Variants in SPEF2 observed in about 807,000 individuals in gnomAD.
SPEF2 encodes the protein sperm flagella and cilia-associated protein 2.
SPEF2 carries 187 observed loss-of-function variants against 224.6 expected under a neutral mutation model. The ratio of observed to expected loss-of-function variants is 0.83; its 90% CI spans 0.74 to 0.94. SPEF2 has a LOEUF of 0.94. Among genes scored for constraint, SPEF2 ranks in the 40% least tolerant of loss-of-function variants. SPEF2 has a pLI of 0.00. For missense variants in SPEF2, 2,170 were observed against 2,135.6 expected, an observed-to-expected ratio of 1.02 and a Z score of -0.32; for synonymous variants, 715 against 707.3, an observed-to-expected ratio of 1.01 and a Z score of -0.17.
chr5:35,678,245 A>C (rs868333830), intron 10 of SPEF2, among the ~76,000 whole-genome samples: 8 of 152,232 alleles, frequency 5.3e-5, no homozygotes, highest in African/African-American at 1.9e-4. Flanking sequence ...ACATTATTGA[A>C]TCAGGTCAAA....
intron 11 of SPEF2, 38 bp downstream of exon 11, chr5:35,691,294 C>A: frequency 6.7e-7 from 1 of 1,493,778 alleles, no homozygotes; most frequent in South Asian, 1.1e-5. Flanking sequence ...CCATTAGGTC[C>A]TATTTACACT....
chr5:35,705,837 T>G, intron 18 of SPEF2, 29 bp downstream of exon 18: 1 of 1,363,278 alleles, frequency 7.3e-7, no homozygotes, highest in African/African-American at 1.5e-5. Flanking sequence ...AGTTTTGAGT[T>G]TAGGCAACTA....
intron 8 of SPEF2, among the ~76,000 whole-genome samples, chr5:35,665,657 T>C (rs969204865): frequency 6.6e-6 from 1 of 152,188 alleles, no homozygotes; most frequent in Non-Finnish European, 1.5e-5. Flanking sequence ...TGTCACTCTT[T>C]CCATGAATTC....
chr5:35,811,544 C>T (rs909362748), intron 36 of SPEF2, among the ~76,000 whole-genome samples: 5 of 151,520 alleles, frequency 3.3e-5, no homozygotes, highest in Admixed American at 1.3e-4. Context: ...GTGTGGCCTT[C>T]GGCAAGTGAC....
chr5:35,698,811 C>G (rs1317552632), intron 15 of SPEF2: 1 of 152,206 alleles, frequency 6.6e-6, no homozygotes, highest in African/African-American at 2.4e-5. Flanking sequence ...CTCCTGACTC[C>G]CCATCATCTC....
At chr5:35,637,167 G>A (rs1025317836) in intron 2 of SPEF2, among the ~76,000 whole-genome samples, 9 of 151,974 alleles carry the variant, frequency 5.9e-5, no homozygotes, top group African/African-American at 2.2e-4. Context: ...TATGGACATG[G>A]AGCAAACTAA....
At chr5:35,769,457 T>C (rs916864698) in intron 26 of SPEF2, among the ~76,000 whole-genome samples, 8 of 152,156 alleles carry the variant, frequency 5.3e-5, no homozygotes, top group Admixed American at 4.6e-4. Flanking sequence ...CTGCTTGCTC[T>C]CTGAAACCTT....
intron 31 of SPEF2, 69 bp downstream of exon 31, chr5:35,792,515 T>A: frequency 7.8e-7 from 1 of 1,276,598 alleles, no homozygotes; most frequent in Non-Finnish European, 1.1e-6. Flanking sequence ...TCAATAGTTC[T>A]AAAATAATGA....
At chr5:35,809,540 G>C (rs897638679) in intron 36 of SPEF2, among the ~76,000 whole-genome samples, 1 of 152,102 alleles carries the variant, frequency 6.6e-6, no homozygotes, top group Admixed American at 6.5e-5. Flanking sequence ...AGAGTCCTGG[G>C]TGAAGGCAAG....
intron 26 of SPEF2, among the ~76,000 whole-genome samples, chr5:35,770,247 C>A (rs1752643111): frequency 6.6e-6 from 1 of 151,928 alleles, no homozygotes; most frequent in Non-Finnish European, 1.5e-5. Context: ...ATAATAATTG[C>A]ATATATTTAT....
chr5:35,763,486 A>G (rs1580638643), intron 25 of SPEF2, 36 bp from the exon 26 acceptor site: 1 of 1,506,616 alleles, frequency 6.6e-7, no homozygotes, highest in East Asian at 2.3e-5. Flanking sequence ...TGTTAAGCAA[A>G]ATTTTTTATC....
chr5:35,795,131 T>C (rs539758675), intron 32 of SPEF2, among the ~76,000 whole-genome samples: 1 of 151,286 alleles, frequency 6.6e-6, no homozygotes, highest in Admixed American at 6.6e-5. Flanking sequence ...GGAAATGAAG[T>C]TCTAATTGGT....
intron 21 of SPEF2, among the ~76,000 whole-genome samples, chr5:35,736,468 AGTGTGTGTGTGTGT>A (rs139387194): frequency 2.0e-5 from 3 of 149,246 alleles, no homozygotes; most frequent in Non-Finnish European, 3.0e-5. Context: ...CAAGTGACAG[AGTGTGTGTGTGTGT>A]GTGTGTGTGT....
intron 10 of SPEF2, among the ~76,000 whole-genome samples, chr5:35,674,315 T>G (rs1751572320): frequency 6.7e-6 from 1 of 149,292 alleles, no homozygotes; most frequent in Non-Finnish European, 1.5e-5. Context: ...AGAAACAGAG[T>G]GAGCTCTTCT....
chr5:35,709,949 C>T (rs1372897521), intron 19 of SPEF2: 1 of 984,766 alleles, frequency 1.0e-6, no homozygotes, highest in Non-Finnish European at 1.2e-6. Context: ...CATTTCTAAA[C>T]TCTATAGTCT....
At chr5:35,699,110 G>A (rs1336791953) in intron 15 of SPEF2, 1 of 152,120 alleles carries the variant, frequency 6.6e-6, no homozygotes, top group Non-Finnish European at 1.5e-5. Flanking sequence ...GTGATTTTTA[G>A]TTTCGTGACT....
chr5:35,793,184 C>G lies in SPEF2; in HGVS notation c.4580C>G (p.Thr1527Arg), dbSNP rs1199083931. 6.2e-7 allele frequency: 1 copy of G among 1,614,036 alleles called. No individual in the cohort carries two copies. Among genetic ancestry groups the G allele is most frequent in the South Asian group, 1.1e-5 (1 of 91,060 alleles). Residue 1527 changes from threonine (T) to arginine (R), a missense_variant, in exon 32 of 37, where the codon ACA becomes AGA. Transcript: ENST00000356031. ...PELQELTSLL[T>R]VNSEFVDWRK... ...TTACAGGAATTAACATCTTTATTAA[C>G]AGTCAACTCCGAGTTCGTGGACTGG... is the stretch of plus-strand genomic sequence containing the variant.
intron 23 of SPEF2, among the ~76,000 whole-genome samples, chr5:35,744,644 A>C (rs904781556): frequency 1.3e-5 from 2 of 152,076 alleles, no homozygotes; most frequent in Non-Finnish European, 2.9e-5. Context: ...CCTTTCTTTA[A>C]AAAATATATA....
At chr5:35,658,437 G>A (rs1749254250) in intron 7 of SPEF2, among the ~76,000 whole-genome samples, 1 of 152,164 alleles carries the variant, frequency 6.6e-6, no homozygotes, top group South Asian at 2.1e-4. Context: ...CGTTGGTATT[G>A]TGATATCCTC....
Sources: allele counts gnomAD v4.1 joint callset (sites outside exome capture counted in the v4.1 genomes callset), GRCh38; gene constraint gnomAD v4.1.1; transcripts MANE v1.5; gene names NCBI Gene and HGNC (gene_info 2026-07-23, HGNC 2026-07-21).